The following RALYL variants were observed in gnomAD, a reference collection of about 807,000 sequenced individuals.
RALYL encodes RALY RNA binding protein like.
A neutral mutation model predicts 35.1 loss-of-function variants in RALYL; 29 were observed. The observed-to-expected ratio is 0.83, with a 90% CI of 0.61 to 1.13. The LOEUF (loss-of-function observed/expected upper bound fraction) is 1.13, where lower values mean the gene tolerates loss of function less well. Among genes scored for constraint, RALYL ranks in the 50% most tolerant of loss-of-function variants. The pLI is 0.00. For missense variants in RALYL, 359 were observed against 360.4 expected (o/e 1.00, Z 0.03); for synonymous variants, 120 against 127.6 (o/e 0.94, Z 0.40).
intron 2 of RALYL, among the ~76,000 whole-genome samples, chr8:84,662,895 C>T (rs185675331): frequency 7.9e-5 from 12 of 152,132 alleles, no homozygotes; most frequent in African/African-American, 1.7e-4. Flanking sequence ...CATAGTTAAA[C>T]GTGTGCCATG....
At chr8:84,480,234 A>G (rs185337814) in intron 1 of RALYL, among the ~76,000 whole-genome samples, 118 of 152,284 alleles carry the variant, frequency 7.7e-4, no homozygotes, top group African/African-American at 2.6e-3. Context: ...GAATATCATT[A>G]ATATCTGGAA....
intron 1 of RALYL, among the ~76,000 whole-genome samples, chr8:84,343,614 A>G (rs1849272048): frequency 6.6e-6 from 1 of 151,726 alleles, no homozygotes; most frequent in Admixed American, 6.6e-5. Context: ...AATATGATTT[A>G]TTTATTTATT....
chr8:84,756,909 A>G (rs1563533658), intron 2 of RALYL, among the ~76,000 whole-genome samples: 3 of 152,138 alleles, frequency 2.0e-5, no homozygotes, highest in African/African-American at 7.2e-5. Context: ...GTACAAAATT[A>G]TTTGTCTTTT....
At chr8:84,189,858 A>G (rs1813435009) in intron 1 of RALYL, among the ~76,000 whole-genome samples, 1 of 152,202 alleles carries the variant, frequency 6.6e-6, no homozygotes, top group Non-Finnish European at 1.5e-5. Flanking sequence ...GAGCAGAAAC[A>G]AAAGAATATT....
intron 1 of RALYL, among the ~76,000 whole-genome samples, chr8:84,189,918 A>G (rs1196142064): frequency 1.3e-5 from 2 of 152,192 alleles, no homozygotes; most frequent in Non-Finnish European, 2.9e-5. Flanking sequence ...TTCTGTGACC[A>G]TGTCATCACA....
rs1261460311 is a variant in RALYL, at chr8:84,739,548, G to A, written c.257-35031G>A. Reference sequence around the variant, plus strand: ...AGCAGGAAAGAGTGAAAATATTTTAGGTGAAATACTTATGTATATATGTAT... The same window carrying A: ...AGCAGGAAAGAGTGAAAATATTTTAAGTGAAATACTTATGTATATATGTAT... On this transcript the variant is annotated intron_variant, in intron 2 of 8. Coordinates refer to ENST00000521268, the MANE Select transcript of RALYL (RefSeq NM_173848.7). Among the ~76,000 whole-genome samples the A allele has an allele frequency of 2.0e-5, 3 of 151,644 alleles. No homozygotes were observed. The East Asian group carries it at 5.8e-4, about 29-fold the overall frequency.
intron 2 of RALYL, among the ~76,000 whole-genome samples, chr8:84,553,302 C>A (rs1299967992): frequency 6.6e-6 from 1 of 152,178 alleles, no homozygotes; most frequent in African/African-American, 2.4e-5. Context: ...ATTGGGACTA[C>A]AGGCACACAC....
chr8:84,254,885 G>A (rs1443451010), intron 1 of RALYL, among the ~76,000 whole-genome samples: 2 of 151,986 alleles, frequency 1.3e-5, no homozygotes, highest in East Asian at 1.9e-4. Flanking sequence ...GATGAATGCA[G>A]GAGGAACTAC....
chr8:84,903,767 G>A (rs963519580), intron 8 of RALYL, among the ~76,000 whole-genome samples: 23 of 152,156 alleles, frequency 1.5e-4, no homozygotes, highest in Middle Eastern at 3.2e-3. Flanking sequence ...AAGATTCTGA[G>A]AGGCAAACAA....
intron 1 of RALYL, among the ~76,000 whole-genome samples, chr8:84,459,798 G>T (rs897874780): frequency 6.6e-6 from 1 of 151,748 alleles, no homozygotes; most frequent in African/African-American, 2.4e-5. Context: ...TTGGGAAATG[G>T]CACTGAGAAC....
At chr8:84,280,582 C>T (rs1045065560) in intron 1 of RALYL, among the ~76,000 whole-genome samples, 1 of 151,472 alleles carries the variant, frequency 6.6e-6, no homozygotes, top group Non-Finnish European at 1.5e-5. Context: ...GATTTAACAC[C>T]ACACACAGAG....
chr8:84,277,261 A>G (rs1034375697), intron 1 of RALYL, among the ~76,000 whole-genome samples: 3 of 152,204 alleles, frequency 2.0e-5, no homozygotes, highest in African/African-American at 7.2e-5. Flanking sequence ...GGCAGGCAAC[A>G]GGCCTTGTGC....
intron 4 of RALYL, among the ~76,000 whole-genome samples, chr8:84,832,702 T>C (rs989475900): frequency 6.6e-6 from 1 of 152,112 alleles, no homozygotes; most frequent in Non-Finnish European, 1.5e-5. Context: ...ATTATGAAAC[T>C]TTAACTTGAA....
In RALYL at chr8:84,921,514, G is replaced by C. The variant is rs1416744249; in HGVS notation, c.*603G>C. The C allele has an allele frequency of 1.3e-5, 2 of 152,114 alleles. No individual in the cohort carries two copies. The highest frequency in any genetic ancestry group is 2.9e-5 in the Non-Finnish European group (2 of 67,998). The allele number at this position is 152,114 out of a possible 1,614,324, so 9.4% of individuals were successfully genotyped here. A position where few individuals can be genotyped will look rare whatever the true frequency, so the allele number is the denominator to read the frequency against. On this transcript the variant is annotated 3_prime_UTR_variant, in exon 9 of 9. Transcript: ENST00000521268. ...ATAATAGTTAAAGAACTGTTGGTTTGATCTGTGATTAAGTTGAGCATGCTC... is the reference window on the plus strand; with the variant it reads ...ATAATAGTTAAAGAACTGTTGGTTTCATCTGTGATTAAGTTGAGCATGCTC...
At chr8:84,529,699 T>A in intron 2 of RALYL, 122 bp downstream of exon 2, 1 of 684,490 alleles carries the variant, frequency 1.5e-6, no homozygotes, top group Non-Finnish European at 2.2e-6. Flanking sequence ...AGTGATTTTA[T>A]ATTTATTATT....
At chr8:84,533,346 T>C (rs2059393048) in intron 2 of RALYL, among the ~76,000 whole-genome samples, 1 of 152,214 alleles carries the variant, frequency 6.6e-6, no homozygotes, top group Non-Finnish European at 1.5e-5. Context: ...AGACAATTTT[T>C]ATGAGTAGTC....
At chr8:84,449,008 A>G (rs915322547) in intron 1 of RALYL, among the ~76,000 whole-genome samples, 8 of 151,850 alleles carry the variant, frequency 5.3e-5, no homozygotes, top group South Asian at 2.1e-4. Flanking sequence ...ATGTGGTCCA[A>G]TCCCATTCAG....
chr8:84,897,745 G>T (rs754607486), intron 8 of RALYL, among the ~76,000 whole-genome samples: 5 of 152,064 alleles, frequency 3.3e-5, no homozygotes, highest in Non-Finnish European at 5.9e-5. Context: ...ACAACCGAAA[G>T]AATTTTTAAT....
intron 4 of RALYL, among the ~76,000 whole-genome samples, chr8:84,823,251 T>C (rs950761169): frequency 6.6e-6 from 1 of 152,152 alleles, no homozygotes; most frequent in East Asian, 1.9e-4. Flanking sequence ...CAAGACTACA[T>C]CTTTGCCTTT....
Sources: gnomAD v4.1 joint callset for allele counts (sites outside exome capture counted in the v4.1 genomes callset) on GRCh38, gnomAD v4.1.1 for gene constraint, MANE v1.5 for transcripts, NCBI Gene and HGNC (gene_info 2026-07-23, HGNC 2026-07-21) for gene names.